Variants in TTC28 observed in about 807,000 individuals in gnomAD.
The protein encoded by TTC28 is tetratricopeptide repeat protein 28.
TTC28 carries 61 observed loss-of-function variants against 198.0 expected under a neutral mutation model. The observed-to-expected ratio is 0.31, with a 90% CI of 0.25 to 0.38. The LOEUF (loss-of-function observed/expected upper bound fraction) is 0.38, where lower values mean the gene tolerates loss of function less well. TTC28 is among the 10% of genes least tolerant of loss of function. The probability of loss-of-function intolerance (pLI) is 1.00; values close to 1 mark genes in which losing one functional copy is unlikely to be tolerated. For synonymous variants in TTC28, 1,171 were observed against 1,297.8 expected (o/e 0.90, Z 2.10); for missense variants, 2,678 against 3,164.0 (o/e 0.85, Z 3.69).
intron 2 of TTC28, among the ~76,000 whole-genome samples, chr22:28,431,228 T>C (rs993155050): frequency 6.6e-6 from 1 of 152,214 alleles, no homozygotes; most frequent in African/African-American, 2.4e-5. Context: ...ACTTTATTCA[T>C]CTTTGCATCT....
chr22:28,354,283 C>T (rs1383434914), intron 2 of TTC28, among the ~76,000 whole-genome samples: 1 of 152,094 alleles, frequency 6.6e-6, no homozygotes, highest in Admixed American at 6.5e-5. Flanking sequence ...CCCAAGTATC[C>T]ATCATCAAAT....
At chr22:28,126,327 G>A (rs1371879594) in intron 6 of TTC28, among the ~76,000 whole-genome samples, 1 of 152,164 alleles carries the variant, frequency 6.6e-6, no homozygotes, top group African/African-American at 2.4e-5. Context: ...GGAGAACTAC[G>A]AGTTTCCAGT....
At chr22:28,551,242 T>C (rs901662099) in intron 2 of TTC28, among the ~76,000 whole-genome samples, 8 of 151,996 alleles carry the variant, frequency 5.3e-5, no homozygotes, top group African/African-American at 1.9e-4. Context: ...AATTTTAAAA[T>C]TGTAAACAAA....
intron 5 of TTC28, among the ~76,000 whole-genome samples, chr22:28,164,604 T>C (rs572918103): frequency 6.6e-6 from 1 of 152,172 alleles, no homozygotes; most frequent in African/African-American, 2.4e-5. Context: ...GAAGGAAAAC[T>C]AACAAACAGA....
intron 12 of TTC28, among the ~76,000 whole-genome samples, chr22:28,084,657 C>T (rs113770760): frequency 1.8e-3 from 267 of 152,188 alleles, no homozygotes; most frequent in Middle Eastern, 0.01. Flanking sequence ...CAAAGCTGGA[C>T]GGAGAATGAC....
chr22:28,565,084 C>T (rs193287930), intron 2 of TTC28, among the ~76,000 whole-genome samples: 17 of 151,854 alleles, frequency 1.1e-4, no homozygotes, highest in Non-Finnish European at 1.9e-4. Context: ...CTACTATATT[C>T]GATGAGGCTC....
intron 2 of TTC28, among the ~76,000 whole-genome samples, chr22:28,616,189 C>A (rs1205701062): frequency 2.0e-5 from 3 of 152,200 alleles, no homozygotes; most frequent in African/African-American, 7.2e-5. Flanking sequence ...TCTTCAGAAT[C>A]ACATCAACCT....
At chr22:28,106,646 G>C (rs1942313663) in intron 7 of TTC28, among the ~76,000 whole-genome samples, 1 of 152,162 alleles carries the variant, frequency 6.6e-6, no homozygotes, top group Admixed American at 6.5e-5. Flanking sequence ...TAAGTAATTG[G>C]TTAGGTGCAG....
chr22:28,529,292 C>A (rs536491913), intron 2 of TTC28, among the ~76,000 whole-genome samples: 1 of 152,206 alleles, frequency 6.6e-6, no homozygotes, highest in South Asian at 2.1e-4. Context: ...CCCACGCCCA[C>A]GGAGCCTCGC....
chr22:28,441,720 C>T (rs2047624749), intron 2 of TTC28, among the ~76,000 whole-genome samples: 1 of 152,120 alleles, frequency 6.6e-6, no homozygotes, highest in African/African-American at 2.4e-5. Flanking sequence ...CAGTATCACA[C>T]ATCGTGCCAC....
chr22:28,024,718 G>T (rs1011900327), intron 13 of TTC28, among the ~76,000 whole-genome samples: 5 of 152,202 alleles, frequency 3.3e-5, no homozygotes, highest in Non-Finnish European at 7.3e-5. Flanking sequence ...ACGAGCAACC[G>T]TTTGAGGCTG....
intron 5 of TTC28, among the ~76,000 whole-genome samples, chr22:28,205,243 A>T (rs1460884770): frequency 6.6e-6 from 1 of 152,052 alleles, no homozygotes; most frequent in Non-Finnish European, 1.5e-5. Flanking sequence ...GGAGAGAGGG[A>T]GAGAGAAATG....
chr22:28,350,053 T>C (rs1034239201), intron 2 of TTC28, among the ~76,000 whole-genome samples: 1 of 152,216 alleles, frequency 6.6e-6, no homozygotes, highest in Non-Finnish European at 1.5e-5. Flanking sequence ...TTTTCATATC[T>C]AACTCATTAG....
intron 6 of TTC28, among the ~76,000 whole-genome samples, chr22:28,127,346 G>A (rs902514932): frequency 3.9e-5 from 6 of 152,128 alleles, no homozygotes; most frequent in African/African-American, 1.2e-4. Context: ...ATTTCACTGG[G>A]TGCAGGGATA....
intron 14 of TTC28, chr22:28,007,081 G>T (rs1937957581): frequency 6.6e-6 from 1 of 152,182 alleles, no homozygotes; most frequent in African/African-American, 2.4e-5. Context: ...AGACTGATTA[G>T]ACTTGGGATG....
At chr22:27,985,590 C>T (rs1408683281) in intron 21 of TTC28, 2 of 405,110 alleles carry the variant, frequency 4.9e-6, no homozygotes, top group Non-Finnish European at 9.3e-6. Context: ...GTGTGTGTGG[C>T]TCTCACTGCC....
At chr22:28,512,586 T>C (rs932443144) in intron 2 of TTC28, among the ~76,000 whole-genome samples, 9 of 152,216 alleles carry the variant, frequency 5.9e-5, no homozygotes, top group Non-Finnish European at 7.3e-5. Flanking sequence ...CATGGAATAC[T>C]ATGCAGCCAT....
At chr22:28,223,609 A>T (rs912701430) in intron 5 of TTC28, among the ~76,000 whole-genome samples, 1 of 152,200 alleles carries the variant, frequency 6.6e-6, no homozygotes, top group African/African-American at 2.4e-5. Context: ...GAACTTCCCA[A>T]AGAGATTTCT....
chr22:28,604,599 C>T (rs151223836), intron 2 of TTC28, among the ~76,000 whole-genome samples: 1,784 of 151,730 alleles, frequency 0.012, 42 homozygotes, highest in African/African-American at 0.04. Flanking sequence ...CAGAAATTAG[C>T]CGAGCATGGT....
Sources: gnomAD v4.1 joint callset for allele counts (sites outside exome capture counted in the v4.1 genomes callset) on GRCh38, gnomAD v4.1.1 for gene constraint, MANE v1.5 for transcripts, NCBI Gene and HGNC (gene_info 2026-07-23, HGNC 2026-07-21) for gene names.